WDFY3: variants seen among roughly 807,000 people sequenced by gnomAD.
WDFY3 encodes the protein WD repeat and FYVE domain containing 3, also known as WD repeat and FYVE domain-containing protein 3.
WDFY3 carries 66 observed loss-of-function variants against 409.6 expected under a neutral mutation model. The ratio of observed to expected loss-of-function variants is 0.16; its 90% confidence interval spans 0.13 to 0.20. The LOEUF (loss-of-function observed/expected upper bound fraction) is 0.20. Among genes scored for constraint, WDFY3 ranks in the 10% least tolerant of loss-of-function variants. The pLI is 1.00. For synonymous variants in WDFY3, 1,521 were observed against 1,537.1 expected, an observed-to-expected ratio of 0.99 and a Z score of 0.25; for missense variants, 3,031 against 4,298.1, an observed-to-expected ratio of 0.71 and a Z score of 8.24.
At chr4:84,902,245 T>C (rs1203719187) in intron 2 of WDFY3, among the ~76,000 whole-genome samples, 4 of 152,182 alleles carry the variant, frequency 2.6e-5, no homozygotes, top group Non-Finnish European at 5.9e-5. Context: ...ATCTGTAAAC[T>C]GTCACCTGGA....
At position 84,862,871 on chromosome 4, in the gene WDFY3, T is replaced by C. The variant is rs532721293; in HGVS notation, c.-31-2249A>G. 1.1e-4 allele frequency among the ~76,000 whole-genome samples: 17 copies of C among 152,218 alleles called. No homozygotes were observed. In the South Asian group the frequency reaches 3.5e-3, roughly 32 times the overall value. The stretch of plus-strand genomic sequence containing the variant: ...CGGGCGTGGTGGCAGGCGCCCACTC[T>C]CTCCAGCCCCTGGCACCCACCATTC... On this transcript the variant is annotated intron_variant, in intron 3 of 67. Transcript: ENST00000295888.
intron 10 of WDFY3, among the ~76,000 whole-genome samples, chr4:84,824,712 A>C (rs952639094): frequency 2.6e-5 from 4 of 152,176 alleles, no homozygotes; most frequent in Non-Finnish European, 5.9e-5. Flanking sequence ...CATCAAATTC[A>C]ACACTCAATT....
At chr4:84,942,322 G>C (rs1233852192) in intron 1 of WDFY3, among the ~76,000 whole-genome samples, 1 of 151,242 alleles carries the variant, frequency 6.6e-6, no homozygotes, top group Non-Finnish European at 1.5e-5. Flanking sequence ...AATATATAAT[G>C]AATTCTTTAA....
chr4:84,897,692 A>T (rs1479955933), intron 2 of WDFY3, among the ~76,000 whole-genome samples: 1 of 152,172 alleles, frequency 6.6e-6, no homozygotes, highest in Non-Finnish European at 1.5e-5. Context: ...GGCTCTAAAT[A>T]ACCAGAGTGT....
intron 1 of WDFY3, among the ~76,000 whole-genome samples, chr4:84,962,532 T>C (rs1340607030): frequency 1.3e-5 from 2 of 152,206 alleles, no homozygotes; most frequent in Non-Finnish European, 2.9e-5. Context: ...GTGAACTTTT[T>C]AGAGTAACGG....
chr4:84,795,101 A>C (rs1173310475), intron 19 of WDFY3, 122 bp from the exon 20 acceptor site: 2 of 615,162 alleles, frequency 3.3e-6, no homozygotes, highest in Admixed American at 8.5e-5. Context: ...ATCATGGAAT[A>C]AATCTGGATG....
At position 84,696,086 on chromosome 4, in the gene WDFY3, T is replaced by G. The variant is rs1360135807; in HGVS notation, c.8785A>C (p.Asn2929His). 6.2e-7 allele frequency: 1 copy of G among 1,614,010 alleles called. No individual in the cohort carries two copies. The highest frequency in any genetic ancestry group is 1.3e-5 in the African/African-American group (1 of 74,910). Reference sequence around the variant, plus strand: ...TCATAAAAAAGATGATGGAAGACATTTACAGCTTCTACTGCAGCAGGGCCT... The same window carrying G: ...TCATAAAAAAGATGATGGAAGACATGTACAGCTTCTACTGCAGCAGGGCCT... ...QQGPAAVEAVNVFHHLFYEGQ... is the reference protein window; with the variant it reads ...QQGPAAVEAVHVFHHLFYEGQ... Residue 2929 changes from asparagine (N) to histidine (H), a missense_variant, in exon 58 of 68, where the codon AAT (asparagine) becomes CAT (histidine). Around this residue, in one of 16 missense-constraint regions of WDFY3, gnomAD observed 129 missense variants for 305.3 expected, o/e 0.42. Transcript: ENST00000295888.
At chr4:84,888,977 A>G (rs1764590876) in intron 3 of WDFY3, among the ~76,000 whole-genome samples, 1 of 151,910 alleles carries the variant, frequency 6.6e-6, no homozygotes, top group African/African-American at 2.4e-5. Flanking sequence ...GTAAACACTG[A>G]TTTTATGCTT....
intron 2 of WDFY3, among the ~76,000 whole-genome samples, chr4:84,913,680 T>C (rs1768078271): frequency 6.6e-6 from 1 of 151,858 alleles, no homozygotes; most frequent in East Asian, 1.9e-4. Flanking sequence ...TGGACTCTTC[T>C]ATGATACAGG....
intron 3 of WDFY3, among the ~76,000 whole-genome samples, chr4:84,870,713 T>C (rs1158498574): frequency 6.6e-6 from 1 of 152,114 alleles, no homozygotes; most frequent in Non-Finnish European, 1.5e-5. Flanking sequence ...CTTTGCCTTC[T>C]GGTCTCACTT....
rs1306018958 is a variant in WDFY3, at chr4:84,798,036, G to C, written c.2895C>G (p.Val965=). The change falls in exon 18 of 68, where the codon GTC becomes GTG. Residue 965 remains valine, a synonymous_variant. Coordinates refer to ENST00000295888, the MANE Select transcript of WDFY3 (RefSeq NM_014991.6). ...CATAACTCAGTGAACTTGGTTTGTG[G>C]ACCCTATATTGTTTTAGCAGTTTTT... is the stretch of plus-strand genomic sequence containing the variant. ...WDKKLLKQYR[V]HKPSSLSYEP... 6.2e-7 allele frequency: 1 copy of C among 1,613,102 alleles called. No individual in the cohort carries two copies. The highest frequency in any genetic ancestry group is 1.1e-5 in the South Asian group (1 of 90,844).
At chr4:84,778,238 G>C (rs1187144912) in intron 27 of WDFY3, among the ~76,000 whole-genome samples, 1 of 152,132 alleles carries the variant, frequency 6.6e-6, no homozygotes, top group Non-Finnish European at 1.5e-5. Context: ...TTTGACTCAT[G>C]TAATGCCACT....
chr4:84,837,237 G>A (rs976828379), intron 6 of WDFY3, 147 bp from the exon 7 acceptor site: 9 of 635,808 alleles, frequency 1.4e-5, no homozygotes, highest in Non-Finnish European at 1.9e-5. Context: ...TCCAAGTGAA[G>A]AAATATACAA....
chr4:84,750,055 T>C (rs1466129625), intron 36 of WDFY3, among the ~76,000 whole-genome samples: 1 of 152,200 alleles, frequency 6.6e-6, no homozygotes, highest in Non-Finnish European at 1.5e-5. Flanking sequence ...ATCTTTCATG[T>C]ATGTATTTTC....
rs1036834264 is a variant in WDFY3, at chr4:84,787,625, G to A, written c.3758C>T (p.Pro1253Leu). Residue 1253 changes from proline to leucine, a missense_variant, in exon 23 of 68, where the codon CCT becomes CTT. Around this residue, in one of 16 missense-constraint regions of WDFY3, gnomAD observed 1,322 missense variants for 1,697.9 expected, o/e 0.78. Coordinates refer to ENST00000295888, the MANE Select transcript of WDFY3 (RefSeq NM_014991.6). The part of the protein sequence containing the change: ...STVYAYIGTP[P>L]AQRQIASLVW... ...CAATGAGGCAATTTGGCGTTGGGCAGGTGGAGTACCAATGTAGGCATAGAC... is the reference window on the plus strand; with the variant it reads ...CAATGAGGCAATTTGGCGTTGGGCAAGTGGAGTACCAATGTAGGCATAGAC... 14 of 1,614,074 alleles carry A rather than the reference G, an allele frequency of 8.7e-6. No individual in the cohort carries two copies. Among genetic ancestry groups the A allele is most frequent in the Non-Finnish European group, 1.1e-5 (13 of 1,180,044 alleles).
In WDFY3 at chr4:84,756,941, A is replaced by C. The variant is rs774195620; in HGVS notation, c.5409T>G (p.Ser1803Arg). 1.9e-6 allele frequency: 3 copies of C among 1,613,714 alleles called. No individual in the cohort carries two copies. In the African/African-American group the frequency reaches 4.0e-5, roughly 22 times the overall value. The change falls in exon 33 of 68, where the codon AGT (serine) becomes AGG (arginine). Residue 1803 changes from serine to arginine, a missense_variant. By Grantham distance (110) the Ser-to-Arg change is moderately radical. This residue lies in a region of WDFY3 where 342 missense variants were observed against 463.7 expected (regional missense o/e 0.74). Transcript: ENST00000295888. The part of the protein sequence containing the change: ...QVSVPVISCR[S>R]KQGCQFDLDS... ...TAATTCCTACCTGGCAACCCTGCTTACTCCGGCAGCTGATGACAGGCACAC... is the reference window on the plus strand; with the variant it reads ...TAATTCCTACCTGGCAACCCTGCTTCCTCCGGCAGCTGATGACAGGCACAC...
intron 2 of WDFY3, among the ~76,000 whole-genome samples, chr4:84,908,877 T>C (rs1031781491): frequency 6.6e-6 from 1 of 152,258 alleles, no homozygotes; most frequent in Middle Eastern, 3.4e-3. Context: ...TAAGCTATAA[T>C]GTAAGCTCTT....
intron 21 of WDFY3, 90 bp from the exon 22 acceptor site, chr4:84,789,997 T>A: frequency 7.5e-7 from 1 of 1,324,564 alleles, no homozygotes; most frequent in Non-Finnish European, 1.0e-6. Flanking sequence ...TTTGACTTTA[T>A]GTTAAAACAA....
chr4:84,931,268 T>C (rs1255114704), intron 2 of WDFY3, among the ~76,000 whole-genome samples: 1 of 152,160 alleles, frequency 6.6e-6, no homozygotes, highest in Non-Finnish European at 1.5e-5. Context: ...AGAACAGTCT[T>C]TAAAACAAAG....
Sources: allele counts gnomAD v4.1 joint callset (sites outside exome capture counted in the v4.1 genomes callset), GRCh38; gene constraint gnomAD v4.1.1; regional missense constraint gnomAD v4.1.1; transcripts MANE v1.5; gene names NCBI Gene and HGNC (gene_info 2026-07-23, HGNC 2026-07-21).